Variants in MAX observed in about 807,000 individuals in gnomAD.
MAX encodes protein max.
MAX carries 3 observed loss-of-function variants against 22.3 expected under a neutral mutation model. The observed-to-expected ratio is 0.13, with a 90% CI of 0.06 to 0.35. The LOEUF (loss-of-function observed/expected upper bound fraction) is 0.35. MAX is among the 10% of genes least tolerant of loss of function. MAX has a pLI of 1.00. For synonymous variants in MAX, 72 were observed against 77.7 expected (o/e 0.93, Z 0.39); for missense variants, 119 against 209.4 (o/e 0.57, Z 2.66).
rs1415381767 is a variant in MAX at position 65,076,417 on chromosome 14, G to A, written c.*59C>T. ...GTTCTGAGGGCTCTACCAACGAACT[G>A]AAAGGAGGATGAGACGATGGAGACA... On this transcript the variant is annotated 3_prime_UTR_variant, in exon 5 of 5. Coordinates refer to ENST00000358664, the MANE Select transcript of MAX (RefSeq NM_002382.5). The surrounding 1 kb of genome is among the most constrained non-coding windows in gnomAD (Gnocchi z 6.6). The A allele has an allele frequency of 6.2e-7, 1 of 1,611,624 alleles. No individual in the cohort carries two copies. Among genetic ancestry groups the A allele is most frequent in the African/African-American group, 1.3e-5 (1 of 74,856 alleles).
rs1351532530 is a variant in MAX, at chr14:65,023,927, C to T, written c.172-17643G>A. Among the ~76,000 whole-genome samples the T allele has an allele frequency of 6.6e-6, 1 of 151,992 alleles. No individual in the cohort carries two copies. Among genetic ancestry groups the T allele is most frequent in the Non-Finnish European group, 1.5e-5 (1 of 68,006 alleles). ...ACCAGCCTGGGCAACACAGTGAAAC[C>T]CTGACTCTACTAAAAAATACAAAAA... On this transcript the variant is annotated intron_variant, in intron 3 of 3. Coordinates refer to the MAX transcript ENST00000341653. This position sits in a 1 kb window ranked among gnomAD's most constrained non-coding sequence, Gnocchi z 4.1.
At chr14:65,083,046 T>C (rs1001141431) in intron 3 of MAX, among the ~76,000 whole-genome samples, 15 of 152,024 alleles carry the variant, frequency 9.9e-5, no homozygotes, top group Non-Finnish European at 2.2e-4. Context: ...AAAAGCAAAA[T>C]GAATAATGTA....
In MAX at chr14:65,027,862, A is replaced by G; in HGVS notation, c.172-21578T>C. 6.4e-7 allele frequency: 1 copy of G among 1,571,368 alleles called. No individual in the cohort carries two copies. ...ATTAGAGATGCCAAGCCTAAGGAAC[A>G]TCATGGGGAAGCTGCTGCTTTGTCC... On this transcript the variant is annotated intron_variant, in intron 3 of 3. Coordinates refer to the MAX transcript ENST00000341653. This position sits in a 1 kb window ranked among gnomAD's most constrained non-coding sequence, Gnocchi z 5.7.
chr14:65,032,759 A>G lies in MAX; in HGVS notation c.172-26475T>C, dbSNP rs959654503. ...GCAGGCGGTCACGACACTACTTCAGAAAAATAAAGAAAATGCAGAGGGACT... is the reference window on the plus strand; with the variant it reads ...GCAGGCGGTCACGACACTACTTCAGGAAAATAAAGAAAATGCAGAGGGACT... On this transcript the variant is annotated intron_variant, in intron 3 of 3. Coordinates refer to the MAX transcript ENST00000341653. The surrounding 1 kb of genome is among the most constrained non-coding windows in gnomAD (Gnocchi z 5.0). The G allele has an allele frequency of 2.7e-6, 4 of 1,495,214 alleles. No individual in the cohort carries two copies. The highest frequency in any genetic ancestry group is 3.6e-6 in the Non-Finnish European group (4 of 1,103,408). The allele number at this position is 1,495,214 out of a possible 1,614,324, so 92.6% of individuals were successfully genotyped here.
At chr14:65,087,605 A>G (rs1003218702) in intron 3 of MAX, among the ~76,000 whole-genome samples, 1 of 152,100 alleles carries the variant, frequency 6.6e-6, no homozygotes, top group African/African-American at 2.4e-5. Context: ...GATTTCTCCC[A>G]TTTGGAATGG....
Position 65,084,012 on chromosome 14 carries a change from A to G in MAX, c.172-5976T>C. On this transcript the variant is annotated intron_variant, in intron 3 of 4. Coordinates refer to ENST00000358664, the MANE Select transcript of MAX (RefSeq NM_002382.5). This position sits in a 1 kb window ranked among gnomAD's most constrained non-coding sequence, Gnocchi z 4.3. ...AAGGAGGCTGGAAGGTTGTAAGGCC[A>G]GAGTCAGCACAGACCCATGGCTCCT... The G allele has an allele frequency of 6.5e-7, 1 of 1,527,498 alleles. No homozygotes were observed. Among genetic ancestry groups the G allele is most frequent in the South Asian group, 1.2e-5 (1 of 81,594 alleles). The allele number at this position is 1,527,498 out of a possible 1,614,324, so 94.6% of individuals were successfully genotyped here.
At chr14:65,017,450 G>C (rs888405028) in intron 3 of MAX, among the ~76,000 whole-genome samples, 1 of 152,144 alleles carries the variant, frequency 6.6e-6, no homozygotes, top group Non-Finnish European at 1.5e-5. Flanking sequence ...GAATCACAGG[G>C]GGTGCCTGAG....
downstream of MAX, among the ~76,000 whole-genome samples, chr14:65,071,871 C>A (rs2062990854): frequency 6.6e-6 from 1 of 152,238 alleles, no homozygotes; most frequent in African/African-American, 2.4e-5. This position sits in a 1 kb window ranked among gnomAD's most constrained non-coding sequence, Gnocchi z 4.2. Flanking sequence ...GTCACCCAGT[C>A]CTACCTATAG....
intron 3 of MAX, among the ~76,000 whole-genome samples, chr14:65,033,267 A>C (rs2062121315): frequency 1.3e-5 from 2 of 152,252 alleles, no homozygotes; most frequent in Admixed American, 1.3e-4. Context: ...ACAGATTAGC[A>C]CATTTACTTA....
chr14:65,051,361 G>C (rs2062604654), intron 3 of MAX, among the ~76,000 whole-genome samples: 1 of 152,180 alleles, frequency 6.6e-6, no homozygotes, highest in African/African-American at 2.4e-5. Flanking sequence ...TGTAATCCCA[G>C]TACTTTGGGA....
At chr14:65,071,998 C>T (rs1412138551), downstream of MAX, among the ~76,000 whole-genome samples, 1 of 152,226 alleles carries the variant, frequency 6.6e-6, no homozygotes. The surrounding 1 kb of genome is among the most constrained non-coding windows in gnomAD (Gnocchi z 4.2). Context: ...CCCTAGTAAA[C>T]CCTAGACACT....
intron 3 of MAX, among the ~76,000 whole-genome samples, chr14:65,036,392 A>G (rs2062194102): frequency 6.6e-6 from 1 of 150,918 alleles, no homozygotes. Context: ...GTATGCCACC[A>G]CACCTGGCTA....
At chr14:65,053,488 A>G in intron 3 of MAX, 1 of 715,364 alleles carries the variant, frequency 1.4e-6, no homozygotes. Flanking sequence ...TTGTATGGGA[A>G]AAAGCACCCA....
Position 65,054,752 on chromosome 14 carries a change from C to CAAGTA in MAX, c.171+38951_171+38955dup. On this transcript the variant is annotated intron_variant, in intron 3 of 3. Coordinates refer to the MAX transcript ENST00000341653. The surrounding 1 kb of genome is among the most constrained non-coding windows in gnomAD (Gnocchi z 4.4). ...GGGACCTCGCGGACAGAAGGCTTTC[C>CAAGTA]AAGTAAGCAGAACTGGCTCTGCATT... The CAAGTA allele has an allele frequency of 6.6e-7, 1 of 1,517,544 alleles. No individual in the cohort carries two copies. The highest frequency in any genetic ancestry group is 9.0e-7 in the Non-Finnish European group (1 of 1,116,756). 94.0% of individuals were successfully genotyped at this position (1,517,544 alleles called of 1,614,324 possible). A position where few individuals can be genotyped will look rare whatever the true frequency, so the allele number is the denominator to read the frequency against.
chr14:65,047,690 A>G lies in MAX; in HGVS notation c.172-41406T>C, dbSNP rs1416623285. The stretch of plus-strand genomic sequence containing the variant: ...AATTTACCTGCAGGGATATTAGCAA[A>G]GGATGTATATTGAAGTGGAGTTTCA... On this transcript the variant is annotated intron_variant, in intron 3 of 3. Transcript: ENST00000341653. The surrounding 1 kb of genome is among the most constrained non-coding windows in gnomAD (Gnocchi z 5.2). Among the ~76,000 whole-genome samples the G allele has an allele frequency of 6.6e-6, 1 of 152,226 alleles. No homozygotes were observed.
intron 3 of MAX, among the ~76,000 whole-genome samples, chr14:65,091,280 G>T (rs2063502399): frequency 6.6e-6 from 1 of 152,170 alleles, no homozygotes; most frequent in Non-Finnish European, 1.5e-5. Context: ...TTCGACTCAC[G>T]GCACCTATGA....
intron 3 of MAX, among the ~76,000 whole-genome samples, chr14:65,080,493 A>G (rs1262720701): frequency 6.6e-6 from 1 of 152,178 alleles, no homozygotes; most frequent in African/African-American, 2.4e-5. Flanking sequence ...AGTATTGATA[A>G]GAGGTGGTAG....
chr14:65,009,374 T>C lies in MAX; in HGVS notation c.172-3090A>G, dbSNP rs2061650053. ...TTCACTAACTGCCTTATAATCCTTT[T>C]ATTCGTCTCATGTAGATTCCCTAAC... On this transcript the variant is annotated intron_variant, in intron 3 of 3. Transcript: ENST00000341653. This position sits in a 1 kb window ranked among gnomAD's most constrained non-coding sequence, Gnocchi z 4.2. Among the ~76,000 whole-genome samples, 1 of 152,124 alleles carries C rather than the reference T, an allele frequency of 6.6e-6. No homozygotes were observed. Among genetic ancestry groups the C allele is most frequent in the Admixed American group, 6.5e-5 (1 of 15,268 alleles).
Position 65,011,431 on chromosome 14 carries a change from GA to G in MAX, c.172-5148del, listed in dbSNP as rs767329195. Among the ~76,000 whole-genome samples, 2,201 of 80,064 alleles carry G rather than the reference GA, an allele frequency of 0.027. 53 individuals carry two copies. The highest frequency in any genetic ancestry group is 0.22 in the South Asian group (581 of 2,622). 52.5% of individuals were successfully genotyped at this position (80,064 alleles called of 152,430 possible). A position where few individuals can be genotyped will look rare whatever the true frequency, so the allele number is the denominator to read the frequency against. ...GTGACAGAGCGAGACTCCGTCTCAG[GA>G]AAAAAAAAAAAAAAAAAAAAGACTG... On this transcript the variant is annotated intron_variant, in intron 3 of 3. Transcript: ENST00000341653. This position sits in a 1 kb window ranked among gnomAD's most constrained non-coding sequence, Gnocchi z 4.0.
Sources: gnomAD v4.1 joint callset for allele counts (sites outside exome capture counted in the v4.1 genomes callset) on GRCh38, gnomAD v4.1.1 for gene constraint, Gnocchi (gnomAD v3.1) non-coding constraint, MANE v1.5 for transcripts, NCBI Gene and HGNC (gene_info 2026-07-23, HGNC 2026-07-21) for gene names.